The following TENM2 variants were observed in gnomAD, a reference collection of about 807,000 sequenced individuals.
TENM2 encodes the protein teneurin transmembrane protein 2.
A neutral mutation model predicts 245.2 loss-of-function variants in TENM2; 52 were observed. The ratio of observed to expected loss-of-function variants is 0.21; its 90% CI spans 0.17 to 0.27. The LOEUF (loss-of-function observed/expected upper bound fraction) is 0.27, where lower values mean the gene tolerates loss of function less well. Ranked by LOEUF, TENM2 falls within the 10% of genes least tolerant of loss-of-function variation. The pLI, the probability that TENM2 is intolerant of heterozygous loss-of-function variation, is 1.00. For synonymous variants in TENM2, 1,363 were observed against 1,438.9 expected (o/e 0.95, Z 1.19); for missense variants, 3,046 against 3,666.8 (o/e 0.83, Z 4.37).
intron 5 of TENM2, among the ~76,000 whole-genome samples, chr5:168,008,988 T>C (rs1238353915): frequency 6.6e-6 from 1 of 152,196 alleles, no homozygotes; most frequent in Non-Finnish European, 1.5e-5. Flanking sequence ...TTGGATTTTG[T>C]ATGGAAGTCT....
At chr5:167,106,530 A>G in the TENM2 span, among the ~76,000 whole-genome samples, 13 of 152,270 alleles carry the variant, frequency 8.5e-5, no homozygotes, top group African/African-American at 3.1e-4. Context: ...AGTTTCTGAT[A>G]GACTAAGGAA....
intron 2 of TENM2, among the ~76,000 whole-genome samples, chr5:167,746,857 CATA>C: frequency 6.6e-6 from 1 of 152,008 alleles, no homozygotes; most frequent in Non-Finnish European, 1.5e-5. Flanking sequence ...TGCATACACA[CATA>C]AAATCTTCCT....
the TENM2 span, among the ~76,000 whole-genome samples, chr5:167,039,659 C>G: frequency 6.6e-6 from 1 of 151,230 alleles, no homozygotes; most frequent in Non-Finnish European, 1.5e-5. Context: ...TGGGTGCTAC[C>G]AAAAACACCT....
At chr5:167,314,436 A>C (rs1295847197) in intron 1 of TENM2, among the ~76,000 whole-genome samples, 7 of 152,192 alleles carry the variant, frequency 4.6e-5, no homozygotes, top group Non-Finnish European at 1.0e-4. Flanking sequence ...AAAGGCTGTT[A>C]AAATAGTTGG....
intron 2 of TENM2, among the ~76,000 whole-genome samples, chr5:167,698,672 GTT>G (rs1561683344): frequency 9.8e-6 from 1 of 102,084 alleles, no homozygotes; most frequent in South Asian, 3.2e-4. Flanking sequence ...GTTTTGTTTT[GTT>G]TTTTGTTTTT....
intron 13 of TENM2, among the ~76,000 whole-genome samples, chr5:168,178,453 G>A (rs1233906086): frequency 6.6e-6 from 1 of 152,158 alleles, no homozygotes; most frequent in Non-Finnish European, 1.5e-5. Context: ...ACAGCAAAGT[G>A]GGGAGACAGC....
At chr5:167,607,933 T>G (rs1020132528) in intron 2 of TENM2, among the ~76,000 whole-genome samples, 8 of 151,906 alleles carry the variant, frequency 5.3e-5, no homozygotes, top group African/African-American at 1.9e-4. Context: ...TAACAGAAAA[T>G]GTACTTCTTT....
At chr5:167,783,679 G>A (rs2911499) in intron 2 of TENM2, among the ~76,000 whole-genome samples, 83,940 of 152,000 alleles carry the variant, frequency 0.55, 26,058 homozygotes, top group Non-Finnish European at 0.72. Context: ...ACTAGTAGAG[G>A]CAAGCTTCCA....
chr5:167,043,186 C>T, the TENM2 span, among the ~76,000 whole-genome samples: 1 of 152,262 alleles, frequency 6.6e-6, no homozygotes, highest in Non-Finnish European at 1.5e-5. Context: ...GCTCAACAAT[C>T]GTTTATGAAG....
chr5:168,224,292 C>T (rs746493324), intron 23 of TENM2, among the ~76,000 whole-genome samples: 17 of 152,278 alleles, frequency 1.1e-4, no homozygotes, highest in South Asian at 2.1e-4. Flanking sequence ...GGGCCCTGGG[C>T]GAGTGATAGC....
At chr5:167,368,037 A>G (rs1760168269) in intron 1 of TENM2, among the ~76,000 whole-genome samples, 1 of 152,174 alleles carries the variant, frequency 6.6e-6, no homozygotes, top group African/African-American at 2.4e-5. Context: ...ATGTTTGTTT[A>G]CAAGGGATTC....
At chr5:168,127,362 T>G (rs948213719) in intron 12 of TENM2, among the ~76,000 whole-genome samples, 3 of 152,138 alleles carry the variant, frequency 2.0e-5, no homozygotes, top group African/African-American at 7.2e-5. Flanking sequence ...CAAGGTGAAC[T>G]CACTAATTTT....
At chr5:167,662,564 T>C (rs1238507520) in intron 2 of TENM2, among the ~76,000 whole-genome samples, 2 of 152,348 alleles carry the variant, frequency 1.3e-5, no homozygotes, top group East Asian at 3.9e-4. Flanking sequence ...CTGAATAATA[T>C]GAAACCTTGG....
rs570533997 is a variant in TENM2 at position 168,261,989 on chromosome 5, CTT to C, written c.7564-56_7564-55del. On this transcript the variant is annotated intron_variant, in intron 28 of 28. Transcript: ENST00000518659. Reference sequence around the variant, plus strand: ...GTTCCAAGCCTTTCTCTTTGTGACTCTTTTTGAGAGAGCTGCCCAGCTCATCT... The same window carrying C: ...GTTCCAAGCCTTTCTCTTTGTGACTCTTTGAGAGAGCTGCCCAGCTCATCT... 270 of 1,539,866 alleles carry C rather than the reference CTT, an allele frequency of 1.8e-4. 1 individual carries two copies. The African/African-American group carries it at 3.3e-3, about 19-fold the overall frequency.
intron 2 of TENM2, among the ~76,000 whole-genome samples, chr5:167,442,818 GTGA>G (rs1764947277): frequency 6.6e-6 from 1 of 152,094 alleles, no homozygotes; most frequent in Non-Finnish European, 1.5e-5. Flanking sequence ...CAAATTTTCA[GTGA>G]GAGCTCTCAC....
chr5:167,323,263 C>T (rs1756876597), intron 1 of TENM2, among the ~76,000 whole-genome samples: 1 of 152,132 alleles, frequency 6.6e-6, no homozygotes, highest in African/African-American at 2.4e-5. Context: ...TGATTTAGAG[C>T]AGTGAATTGG....
intron 14 of TENM2, chr5:168,190,804 T>G: frequency 2.9e-6 from 1 of 343,330 alleles, no homozygotes; most frequent in Non-Finnish European, 5.3e-6. Context: ...GATTCCCTGG[T>G]TTTTAGATCA....
Position 168,103,721 on chromosome 5 carries a change from T to C in TENM2, c.1813+5594T>C, listed in dbSNP as rs79349985. Among the ~76,000 whole-genome samples, 634 of 152,268 alleles carry C rather than the reference T, an allele frequency of 4.2e-3. 4 individuals carry two copies. The highest frequency in any genetic ancestry group is 0.015 in the African/African-American group (609 of 41,538). On this transcript the variant is annotated intron_variant, in intron 9 of 28. Coordinates refer to ENST00000518659, the Ensembl canonical transcript of TENM2. The stretch of plus-strand genomic sequence containing the variant: ...ATAAGTGAGTATGTGTGTGTGTGAG[T>C]GTGTGTGCCTTTGTTCCCCCTCACA...
the TENM2 span, among the ~76,000 whole-genome samples, chr5:167,123,771 T>C: frequency 6.6e-6 from 1 of 152,200 alleles, no homozygotes; most frequent in East Asian, 1.9e-4. Flanking sequence ...TATATAAAGG[T>C]TTATACAGGT....
Sources: gnomAD v4.1 joint callset for allele counts (sites outside exome capture counted in the v4.1 genomes callset) on GRCh38, gnomAD v4.1.1 for gene constraint, MANE v1.5 for transcripts, NCBI Gene and HGNC (gene_info 2026-07-23, HGNC 2026-07-21) for gene names.